CCT7: variants seen among roughly 807,000 people sequenced by gnomAD.
CCT7 encodes the protein chaperonin containing TCP1 subunit 7, also known as T-complex protein 1 subunit eta.
Under a neutral mutation model 56.6 loss-of-function variants are expected in CCT7, and 16 were observed. The observed-to-expected ratio is 0.28, with a 90% confidence interval of 0.19 to 0.43. The LOEUF (loss-of-function observed/expected upper bound fraction) is 0.43. CCT7 is among the 20% of genes least tolerant of loss of function. The pLI is 1.00. For synonymous variants in CCT7, 262 were observed against 254.8 expected (o/e 1.03, Z -0.27); for missense variants, 519 against 685.6 (o/e 0.76, Z 2.71).
chr2:73,245,687 G>A (rs1172485958), intron 6 of CCT7, among the ~76,000 whole-genome samples: 5 of 152,092 alleles, frequency 3.3e-5, no homozygotes, highest in Non-Finnish European at 5.9e-5. Context: ...GAAGCGATTT[G>A]GATAGAGGAG....
chr2:73,237,223 G>A (rs1355580046), intron 1 of CCT7, among the ~76,000 whole-genome samples: 1 of 152,010 alleles, frequency 6.6e-6, no homozygotes, highest in South Asian at 2.1e-4. Context: ...CTTCTTGGAA[G>A]AATTGGAGCT....
intron 8 of CCT7, among the ~76,000 whole-genome samples, chr2:73,249,588 G>A (rs537362880): frequency 1.3e-5 from 2 of 152,078 alleles, no homozygotes; most frequent in Non-Finnish European, 2.9e-5. Flanking sequence ...AATTGAATGG[G>A]TCCCTATCTC....
chr2:73,249,327 C>T, intron 8 of CCT7, 148 bp downstream of exon 8: 1 of 616,614 alleles, frequency 1.6e-6, no homozygotes, highest in Non-Finnish European at 2.7e-6. Flanking sequence ...AGGACACATT[C>T]CATTTCCATG....
At chr2:73,251,138 T>G (rs542657249) in intron 10 of CCT7, 88 bp from the exon 11 acceptor site, 12 of 1,219,560 alleles carry the variant, frequency 9.8e-6, no homozygotes, top group African/African-American at 5.9e-5. Context: ...AACCACTCTT[T>G]CTGGGCTGAA....
At chr2:73,247,529 T>C (rs1281796246) in intron 6 of CCT7, among the ~76,000 whole-genome samples, 2 of 151,658 alleles carry the variant, frequency 1.3e-5, no homozygotes, top group African/African-American at 4.9e-5. Context: ...GCTAACCAGA[T>C]GATTTTCCTT....
rs867075451 is a variant in CCT7, at chr2:73,249,806, C to A, written c.973-13C>A. ...AACCTTCACTGCTAGATCTTGCCTT[C>A]CTTGCTCCCTAGGCCTGTGGAGGCT... On this transcript the variant is annotated splice_polypyrimidine_tract_variant and intron_variant, in intron 8 of 11. Transcript: ENST00000258091. 1 of 1,598,438 alleles carries A rather than the reference C, an allele frequency of 6.3e-7. No homozygotes were observed. The highest frequency in any genetic ancestry group is 1.1e-5 in the South Asian group (1 of 90,762).
Position 73,243,109 on chromosome 2 carries a change from T to A in CCT7, c.373T>A (p.Phe125Ile), listed in dbSNP as rs747220868. 4 of 1,613,878 alleles carry A rather than the reference T, an allele frequency of 2.5e-6. No homozygotes were observed. Among genetic ancestry groups the A allele is most frequent in the Non-Finnish European group, 3.4e-6 (4 of 1,179,880 alleles). Residue 125 changes from phenylalanine to isoleucine, a missense_variant, in exon 4 of 12, where the codon TTC (phenylalanine) becomes ATC (isoleucine). Transcript: ENST00000258091. ...GLHPQIIIRA[F>I]RTATQLAVNK... Reference sequence around the variant, plus strand: ...ACACCCCCAGATCATCATTCGAGCTTTCCGCACAGCCACCCAGCTGGTATG... The same window carrying A: ...ACACCCCCAGATCATCATTCGAGCTATCCGCACAGCCACCCAGCTGGTATG...
chr2:73,244,096 C>G, intron 5 of CCT7, 47 bp downstream of exon 5: 1 of 1,547,508 alleles, frequency 6.5e-7, no homozygotes, highest in Non-Finnish European at 8.8e-7. Flanking sequence ...GAGACGGAGC[C>G]TTGCTGTATT....
chr2:73,244,817 G>T (rs1687266915), intron 6 of CCT7, 102 bp downstream of exon 6: 1 of 834,340 alleles, frequency 1.2e-6, no homozygotes, highest in Non-Finnish European at 1.8e-6. Flanking sequence ...TAAAGAGAAT[G>T]CATGTTAGGC....
chr2:73,249,876 C>A lies in CCT7; in HGVS notation c.1030C>A (p.Arg344=). 6.2e-7 allele frequency: 1 copy of A among 1,613,868 alleles called. No homozygotes were observed. The highest frequency in any genetic ancestry group is 8.5e-7 in the Non-Finnish European group (1 of 1,179,786). The change falls in exon 9 of 12, where the codon CGA becomes AGA. Residue 344 remains arginine, a synonymous_variant. Coordinates refer to ENST00000258091, the MANE Select transcript of CCT7 (RefSeq NM_006429.4). Reference sequence around the variant, plus strand: ...TGCTCTGTCAGCAGATGTGCTGGGTCGATGCCAGGTGTTTGAAGAGACCCA... The same window carrying A: ...TGCTCTGTCAGCAGATGTGCTGGGTAGATGCCAGGTGTTTGAAGAGACCCA... ...VNALSADVLG[R]CQVFEETQIG... is the part of the protein sequence containing the mutation.
chr2:73,244,018 A>T lies in CCT7; in HGVS notation c.415A>T (p.Ile139Phe). 6.2e-7 allele frequency: 1 copy of T among 1,611,318 alleles called. No individual in the cohort carries two copies. Among genetic ancestry groups the T allele is most frequent in the South Asian group, 1.1e-5 (1 of 90,966 alleles). ...GCAGGCAGTTAACAAGATCAAAGAGATTGCTGTGACCGTGAAGAAGGCAGA... is the reference window on the plus strand; with the variant it reads ...GCAGGCAGTTAACAAGATCAAAGAGTTTGCTGTGACCGTGAAGAAGGCAGA... ...TQLAVNKIKE[I>F]AVTVKKADKV... Residue 139 changes from isoleucine to phenylalanine, a missense_variant, in exon 5 of 12, where the codon ATT becomes TTT. Physicochemically the swap from Ile to Phe is conservative, Grantham distance 21. Coordinates refer to ENST00000258091, the MANE Select transcript of CCT7 (RefSeq NM_006429.4).
At position 73,243,993 on chromosome 2, in the gene CCT7, G is replaced by A; in HGVS notation, c.394-4G>A. On this transcript the variant is annotated splice_polypyrimidine_tract_variant and splice_region_variant and intron_variant, in intron 4 of 11. Transcript: ENST00000258091. ...GAGACTCATTCAACTTCTGTTCTTG[G>A]CAGGCAGTTAACAAGATCAAAGAGA... The A allele has an allele frequency of 6.2e-7, 1 of 1,613,620 alleles. No homozygotes were observed. Among genetic ancestry groups the A allele is most frequent in the Non-Finnish European group, 8.5e-7 (1 of 1,179,732 alleles).
At chr2:73,249,962 G>A in intron 9 of CCT7, 46 bp downstream of exon 9, 1 of 1,287,840 alleles carries the variant, frequency 7.8e-7, no homozygotes, top group Non-Finnish European at 1.1e-6. Context: ...CCTGGGTCTG[G>A]TCTTCTGCCA....
chr2:73,247,858 C>T lies in CCT7; in HGVS notation c.715C>T (p.Leu239Phe). Reference protein sequence around the residue: ...PKKYHNPKIALLNVELELKAE... With the variant: ...PKKYHNPKIAFLNVELELKAE... The stretch of plus-strand genomic sequence containing the variant: ...AAAGTACCACAATCCCAAGATTGCC[C>T]TTTTGAATGTCGAGCTCGAGTTGAA... The change falls in exon 7 of 12, where the codon CTT becomes TTT. Residue 239 changes from leucine to phenylalanine, a missense_variant. Physicochemically the swap from Leu to Phe is conservative, Grantham distance 22. Coordinates refer to ENST00000258091, the MANE Select transcript of CCT7 (RefSeq NM_006429.4). 6.2e-7 allele frequency: 1 copy of T among 1,614,142 alleles called. No individual in the cohort carries two copies. The highest frequency in any genetic ancestry group is 8.5e-7 in the Non-Finnish European group (1 of 1,180,028).
At chr2:73,234,851 A>G (rs544250369) in intron 1 of CCT7, among the ~76,000 whole-genome samples, 1 of 152,152 alleles carries the variant, frequency 6.6e-6, no homozygotes, top group South Asian at 2.1e-4. Context: ...CCGCCTAGGG[A>G]CTCACTATGT....
Position 73,250,286 on chromosome 2 carries a change from C to T in CCT7, c.1071-20C>T, listed in dbSNP as rs368276050. 276 of 1,613,742 alleles carry T rather than the reference C, an allele frequency of 1.7e-4. No individual in the cohort carries two copies. Among genetic ancestry groups the T allele is most frequent in the Non-Finnish European group, 2.1e-4 (253 of 1,179,864 alleles). ...TGGCAGACAAGAGTTCATGTGTGTA[C>T]TGTTTAATCCTGGGCATAGGTACAA... On this transcript the variant is annotated intron_variant, in intron 9 of 11. Transcript: ENST00000258091.
chr2:73,241,295 T>G (rs1687101475), intron 3 of CCT7, among the ~76,000 whole-genome samples: 1 of 152,130 alleles, frequency 6.6e-6, no homozygotes, highest in Admixed American at 6.6e-5. Flanking sequence ...ATATATAAAA[T>G]TAAAGAGAGA....
rs759453156 is a variant in CCT7 at position 73,249,116 on chromosome 2, T to C, written c.909T>C (p.Phe303=). The change falls in exon 8 of 12, where the codon TTT becomes TTC. Residue 303 remains phenylalanine, a synonymous_variant. Coordinates refer to ENST00000258091, the MANE Select transcript of CCT7 (RefSeq NM_006429.4). ...LPIGDVATQY[F]ADRDMFCAGR... ...TTGGGGATGTGGCCACCCAGTACTTTGCTGACAGGGACATGTTCTGTGCTG... is the reference window on the plus strand; with the variant it reads ...TTGGGGATGTGGCCACCCAGTACTTCGCTGACAGGGACATGTTCTGTGCTG... 3 of 1,614,198 alleles carry C rather than the reference T, an allele frequency of 1.9e-6. No individual in the cohort carries two copies. Among genetic ancestry groups the C allele is most frequent in the East Asian group, 2.2e-5 (1 of 44,886 alleles).
chr2:73,241,352 C>T (rs866716811), intron 3 of CCT7, among the ~76,000 whole-genome samples: 2 of 151,472 alleles, frequency 1.3e-5, no homozygotes, highest in Non-Finnish European at 2.9e-5. Context: ...GGAATAATGC[C>T]TTTTGGTCCA....
Sources: allele counts gnomAD v4.1 joint callset (sites outside exome capture counted in the v4.1 genomes callset), GRCh38; gene constraint gnomAD v4.1.1; transcripts MANE v1.5; gene names NCBI Gene and HGNC (gene_info 2026-07-23, HGNC 2026-07-21).